The following PTPRQ variants were observed in gnomAD, a reference collection of about 807,000 sequenced individuals.
The protein encoded by PTPRQ is protein tyrosine phosphatase receptor type Q.
A neutral mutation model predicts 246.0 loss-of-function variants in PTPRQ; 199 were observed. The ratio of observed to expected loss-of-function variants is 0.81; its 90% CI spans 0.72 to 0.91. The LOEUF (loss-of-function observed/expected upper bound fraction) is 0.91. Among genes scored for constraint, PTPRQ ranks in the 40% least tolerant of loss-of-function variants. PTPRQ has a pLI of 0.00. For synonymous variants in PTPRQ, 869 were observed against 853.2 expected (o/e 1.02, Z -0.32); for missense variants, 2,624 against 2,528.4 (o/e 1.04, Z -0.81).
chr12:80,612,526 T>C (rs1397898160), intron 28 of PTPRQ, among the ~76,000 whole-genome samples: 1 of 150,516 alleles, frequency 6.6e-6, no homozygotes, highest in African/African-American at 2.4e-5. Context: ...AATATGGCGA[T>C]GATACCCAAT....
Position 80,620,343 on chromosome 12 carries a change from G to T in PTPRQ, c.5579G>T (p.Cys1860Phe), listed in dbSNP as rs746105516. Residue 1860 changes from cysteine to phenylalanine, a missense_variant, in exon 32 of 45, where the codon TGC becomes TTC. Physicochemically the swap from Cys to Phe is radical, Grantham distance 205 (BLOSUM62 -2). Coordinates refer to ENST00000644991, the MANE Select transcript of PTPRQ (RefSeq NM_001145026.2). ...CMIPGNEDKICNGPLKPKKQY... is the reference protein window; with the variant it reads ...CMIPGNEDKIFNGPLKPKKQY... ...ATTCCTGGCAATGAAGACAAAATTTGCAATGGACCACTGAAACCAAAAAAG... is the reference window on the plus strand; with the variant it reads ...ATTCCTGGCAATGAAGACAAAATTTTCAATGGACCACTGAAACCAAAAAAG... 61 of 1,549,046 alleles carry T rather than the reference G, an allele frequency of 3.9e-5. No individual in the cohort carries two copies. Among genetic ancestry groups the T allele is most frequent in the African/African-American group, 4.1e-5 (3 of 72,784 alleles).
chr12:80,534,399 A>G (rs143613586), intron 18 of PTPRQ, among the ~76,000 whole-genome samples: 2 of 152,166 alleles, frequency 1.3e-5, no homozygotes, highest in African/African-American at 4.8e-5. Flanking sequence ...GTATCATTCT[A>G]CTTCACAGGG....
intron 17 of PTPRQ, among the ~76,000 whole-genome samples, chr12:80,523,636 C>T (rs1895584113): frequency 6.6e-6 from 1 of 152,206 alleles, no homozygotes; most frequent in African/African-American, 2.4e-5. Flanking sequence ...AGTAGTCATT[C>T]AGGAGCAGGG....
chr12:80,472,619 A>G (rs1358301082), intron 8 of PTPRQ, among the ~76,000 whole-genome samples: 1 of 152,192 alleles, frequency 6.6e-6, no homozygotes, highest in Non-Finnish European at 1.5e-5. Context: ...TAGTATTTAG[A>G]AGAATTCCTA....
At chr12:80,615,305 T>A (rs1592719327) in intron 29 of PTPRQ, among the ~76,000 whole-genome samples, 1 of 151,096 alleles carries the variant, frequency 6.6e-6, no homozygotes, top group African/African-American at 2.4e-5. Context: ...ATTGTAATAT[T>A]AACTCAATAA....
chr12:80,496,472 C>G lies in PTPRQ; in HGVS notation c.2213C>G (p.Thr738Ser). The G allele has an allele frequency of 3.9e-6, 6 of 1,550,536 alleles. No homozygotes were observed. Among genetic ancestry groups the G allele is most frequent in the Non-Finnish European group, 5.2e-6 (6 of 1,146,376 alleles). Residue 738 changes from threonine (T) to serine (S), a missense_variant, in exon 14 of 45, where the codon ACC becomes AGC. Transcript: ENST00000644991. ...TLYNISVRSY[T>S]RFGHGNQVSS... The stretch of plus-strand genomic sequence containing the variant: ...TATAACATTTCTGTAAGGTCTTACA[C>G]CAGATTTGGTCATGGCAATCAGGTA...
At position 80,472,198 on chromosome 12, in the gene PTPRQ, C is replaced by G; in HGVS notation, c.1133C>G (p.Thr378Ser). The change falls in exon 8 of 45, where the codon ACC becomes AGC. Residue 378 changes from threonine (T) to serine (S), a missense_variant. By Grantham distance (58) the Thr-to-Ser change is moderately conservative (BLOSUM62 1). Coordinates refer to ENST00000644991, the MANE Select transcript of PTPRQ (RefSeq NM_001145026.2). ...TMYDVYIAAE[T>S]SAGTGPKSNI... The stretch of plus-strand genomic sequence containing the variant: ...TATGATGTCTATATTGCGGCTGAAA[C>G]CAGTGCAGGGACTGGGCCCAAGTCA... The G allele has an allele frequency of 6.4e-7, 1 of 1,551,554 alleles. No individual in the cohort carries two copies. Among genetic ancestry groups the G allele is most frequent in the Non-Finnish European group, 8.7e-7 (1 of 1,146,950 alleles).
chr12:80,597,941 C>T (rs1295600426), intron 26 of PTPRQ, among the ~76,000 whole-genome samples: 4 of 151,854 alleles, frequency 2.6e-5, no homozygotes, highest in Non-Finnish European at 4.4e-5. Context: ...TCTCTGATTC[C>T]AAAGTAATAG....
At chr12:80,479,415 C>A (rs1358738721) in intron 8 of PTPRQ, among the ~76,000 whole-genome samples, 2 of 151,772 alleles carry the variant, frequency 1.3e-5, no homozygotes, top group Admixed American at 6.6e-5. Context: ...CCAGCCACTG[C>A]AAAATCATGC....
chr12:80,660,963 G>C (rs914022684), intron 39 of PTPRQ, among the ~76,000 whole-genome samples: 1 of 151,050 alleles, frequency 6.6e-6, no homozygotes, highest in East Asian at 2.0e-4. Context: ...TAAGGTACTG[G>C]GCACTACATG....
chr12:80,554,291 C>T (rs1008564680), intron 25 of PTPRQ, among the ~76,000 whole-genome samples: 2 of 152,144 alleles, frequency 1.3e-5, no homozygotes, highest in African/African-American at 4.8e-5. Flanking sequence ...GATTATTATA[C>T]TTTGCATTCC....
rs981443230 is a variant in PTPRQ at position 80,541,540 on chromosome 12, C to A, written c.3155-15C>A. On this transcript the variant is annotated splice_polypyrimidine_tract_variant and intron_variant, in intron 20 of 44. Coordinates refer to ENST00000644991, the MANE Select transcript of PTPRQ (RefSeq NM_001145026.2). ...TAACTGATGATTTTTGTATTTTGCC[C>A]ATTACCTATCATAGTACCTGAAGGG... 19 of 1,442,998 alleles carry A rather than the reference C, an allele frequency of 1.3e-5. No homozygotes were observed. The highest frequency in any genetic ancestry group is 1.6e-5 in the South Asian group (1 of 61,542). 89.4% of individuals were successfully genotyped at this position (1,442,998 alleles called of 1,614,324 possible).
At chr12:80,626,623 C>T (rs781163579) in intron 33 of PTPRQ, among the ~76,000 whole-genome samples, 4 of 152,130 alleles carry the variant, frequency 2.6e-5, no homozygotes, top group Non-Finnish European at 4.4e-5. Context: ...TTTTAACCAT[C>T]CCAAAGGTGG....
chr12:80,563,598 C>A (rs1217832494), intron 25 of PTPRQ, among the ~76,000 whole-genome samples: 1 of 152,134 alleles, frequency 6.6e-6, no homozygotes, highest in Non-Finnish European at 1.5e-5. Context: ...TCTGTTATTG[C>A]CAGGTAGGGG....
intron 26 of PTPRQ, among the ~76,000 whole-genome samples, chr12:80,591,581 C>T (rs902063615): frequency 3.9e-5 from 6 of 152,106 alleles, no homozygotes; most frequent in African/African-American, 1.4e-4. Context: ...GATACTATAA[C>T]AAAGATAGCA....
intron 3 of PTPRQ, among the ~76,000 whole-genome samples, chr12:80,454,869 T>G (rs746529691): frequency 6.6e-6 from 1 of 152,238 alleles, no homozygotes; most frequent in Non-Finnish European, 1.5e-5. Flanking sequence ...GTCACTAAGC[T>G]AAAGCTTTTA....
chr12:80,495,375 GAA>G lies in PTPRQ; in HGVS notation c.1882+7_1882+8del. On this transcript the variant is annotated splice_donor_5th_base_variant and intron_variant, in intron 12 of 44. Coordinates refer to ENST00000644991, the MANE Select transcript of PTPRQ (RefSeq NM_001145026.2). ...GATAACAGCTTTCTCATAACAGGTA[GAA>G]AACAATGTTTTGTTGTTGTTGTTGT... 1 of 1,458,534 alleles carries G rather than the reference GAA, an allele frequency of 6.9e-7. No homozygotes were observed. Among genetic ancestry groups the G allele is most frequent in the African/African-American group, 1.7e-5 (1 of 59,084 alleles). The allele number at this position is 1,458,534 out of a possible 1,614,324, so 90.3% of individuals were successfully genotyped here.
At chr12:80,562,867 ATC>A (rs2120924832) in intron 25 of PTPRQ, among the ~76,000 whole-genome samples, 1 of 152,228 alleles carries the variant, frequency 6.6e-6, no homozygotes, top group East Asian at 1.9e-4. Context: ...AAATTGACAA[ATC>A]TCTAGCAAGC....
chr12:80,507,050 T>G (rs1358881146), intron 16 of PTPRQ, among the ~76,000 whole-genome samples: 5 of 152,018 alleles, frequency 3.3e-5, no homozygotes, highest in African/African-American at 1.2e-4. Context: ...GCAGATTATG[T>G]TTATGTAAAT....
Sources: allele counts gnomAD v4.1 joint callset (sites outside exome capture counted in the v4.1 genomes callset), GRCh38; gene constraint gnomAD v4.1.1; transcripts MANE v1.5; gene names NCBI Gene and HGNC (gene_info 2026-07-23, HGNC 2026-07-21).